The following NSUN6 variants were observed in gnomAD, a reference collection of about 807,000 sequenced individuals.
The protein encoded by NSUN6 is NOP2/Sun RNA methyltransferase 6.
A neutral mutation model predicts 58.0 loss-of-function variants in NSUN6; 64 were observed. The observed-to-expected ratio is 1.10, with a 90% confidence interval of 0.90 to 1.36. NSUN6 has a LOEUF of 1.36. Among genes scored for constraint, NSUN6 ranks in the 40% most tolerant of loss-of-function variants. The pLI is 0.00. For missense variants in NSUN6, 701 were observed against 550.1 expected (o/e 1.27, Z -2.74); for synonymous variants, 231 against 193.9 (o/e 1.19, Z -1.59).
At chr10:18,630,949 A>T (rs1413768464) in intron 3 of NSUN6, among the ~76,000 whole-genome samples, 1 of 151,892 alleles carries the variant, frequency 6.6e-6, no homozygotes, top group East Asian at 1.9e-4. Flanking sequence ...AGACACAACC[A>T]AAAAAGAGAA....
At chr10:18,563,996 A>T (rs1056563691) in intron 8 of NSUN6, among the ~76,000 whole-genome samples, 1 of 147,588 alleles carries the variant, frequency 6.8e-6, no homozygotes, top group Admixed American at 6.8e-5. Flanking sequence ...TCCATTCTCC[A>T]TTCCACTGCA....
intron 8 of NSUN6, among the ~76,000 whole-genome samples, chr10:18,564,009 C>T (rs1339605291): frequency 3.3e-5 from 5 of 151,470 alleles, no homozygotes; most frequent in Non-Finnish European, 7.4e-5. Context: ...CCACTGCATT[C>T]CATTCTATTC....
At position 18,602,428 on chromosome 10, in the gene NSUN6, G is replaced by T. The variant is rs189560834; in HGVS notation, c.658-6101C>A. Among the ~76,000 whole-genome samples the T allele has an allele frequency of 2.5e-3, 381 of 152,162 alleles. 3 individuals carry two copies. Among genetic ancestry groups the T allele is most frequent in the African/African-American group, 8.8e-3 (366 of 41,530 alleles). Reference sequence around the variant, plus strand: ...CCGGCTAATTTTTTGTAGAGATGGGGTTTCACCGTGTTAGCCAGGATGGTC... The same window carrying T: ...CCGGCTAATTTTTTGTAGAGATGGGTTTTCACCGTGTTAGCCAGGATGGTC... On this transcript the variant is annotated intron_variant, in intron 6 of 10. Coordinates refer to ENST00000377304, the MANE Select transcript of NSUN6 (RefSeq NM_182543.5).
chr10:18,627,214 C>T (rs2058842158), intron 3 of NSUN6, among the ~76,000 whole-genome samples: 1 of 152,142 alleles, frequency 6.6e-6, no homozygotes, highest in Non-Finnish European at 1.5e-5. Flanking sequence ...TTTTAAATCT[C>T]ATTTCAAGTA....
upstream of NSUN6, among the ~76,000 whole-genome samples, chr10:18,657,806 G>C (rs992662271): frequency 1.3e-5 from 2 of 151,860 alleles, no homozygotes; most frequent in Non-Finnish European, 1.5e-5. Flanking sequence ...TAGAGACAGG[G>C]TTTCACCATG....
At chr10:18,626,565 C>T (rs563943162) in intron 3 of NSUN6, among the ~76,000 whole-genome samples, 5 of 152,186 alleles carry the variant, frequency 3.3e-5, no homozygotes, top group East Asian at 1.9e-4. Context: ...ATCAGGAATT[C>T]GAGACCAACC....
chr10:18,588,957 A>G (rs1471245743), intron 7 of NSUN6, among the ~76,000 whole-genome samples: 2 of 152,226 alleles, frequency 1.3e-5, no homozygotes, highest in African/African-American at 4.8e-5. Flanking sequence ...AAGGTGGGTA[A>G]TAACAAACTC....
intron 3 of NSUN6, among the ~76,000 whole-genome samples, chr10:18,632,559 GAA>G (rs547866637): frequency 1.3e-5 from 2 of 151,226 alleles, no homozygotes; most frequent in Admixed American, 1.3e-4. Context: ...ACATTTACAA[GAA>G]AAAAACAAAC....
chr10:18,652,069 T>C (rs2059719726), upstream of NSUN6: 3 of 985,418 alleles, frequency 3.0e-6, no homozygotes, highest in South Asian at 4.7e-5. Context: ...GGGTTCATAT[T>C]TTTGAAAGTT....
rs147085343 is a variant in NSUN6, at chr10:18,607,725, G to A, written c.657+2120C>T. 2.7e-3 allele frequency among the ~76,000 whole-genome samples: 406 copies of A among 152,362 alleles called. 1 individual carries two copies. Among genetic ancestry groups the A allele is most frequent in the African/African-American group, 8.6e-3 (359 of 41,586 alleles). Reference sequence around the variant, plus strand: ...AGATCTTCCAAGGGTTACATCTGGAGCATTGGCATGGGGCCAAGAATACAG... The same window carrying A: ...AGATCTTCCAAGGGTTACATCTGGAACATTGGCATGGGGCCAAGAATACAG... On this transcript the variant is annotated intron_variant, in intron 6 of 10. Coordinates refer to ENST00000377304, the MANE Select transcript of NSUN6 (RefSeq NM_182543.5).
At chr10:18,560,358 A>G (rs2055399843) in intron 8 of NSUN6, among the ~76,000 whole-genome samples, 2 of 150,948 alleles carry the variant, frequency 1.3e-5, no homozygotes, top group African/African-American at 4.9e-5. Flanking sequence ...ATGTAATGTA[A>G]TGCAGGATGG....
At chr10:18,642,725 TG>T (rs1332846443) in intron 2 of NSUN6, among the ~76,000 whole-genome samples, 170 bp from the exon 3 acceptor site, 1 of 152,138 alleles carries the variant, frequency 6.6e-6, no homozygotes, top group East Asian at 1.9e-4. Flanking sequence ...AAAACAACAA[TG>T]TTTTCTCTAT....
At chr10:18,633,257 G>A (rs1193999811) in intron 3 of NSUN6, among the ~76,000 whole-genome samples, 3 of 149,302 alleles carry the variant, frequency 2.0e-5, no homozygotes, top group East Asian at 2.0e-4. Flanking sequence ...GGTCTGTTGT[G>A]GGGTGGTGGG....
chr10:18,657,620 AT>A (rs1352519587), upstream of NSUN6, among the ~76,000 whole-genome samples: 1 of 151,628 alleles, frequency 6.6e-6, no homozygotes, highest in Admixed American at 6.6e-5. Flanking sequence ...TTTTATTTTT[AT>A]TTTTATTTTT....
At chr10:18,581,104 G>C (rs370299189) in intron 8 of NSUN6, among the ~76,000 whole-genome samples, 71 of 152,156 alleles carry the variant, frequency 4.7e-4, no homozygotes, top group African/African-American at 1.6e-3. Context: ...CCTTGGGGTG[G>C]GCTGCCAGCA....
In NSUN6 at chr10:18,558,395, T is replaced by A. The variant is rs150701995; in HGVS notation, c.923-6424A>T. Among the ~76,000 whole-genome samples, 54 of 138,448 alleles carry A rather than the reference T, an allele frequency of 3.9e-4. 1 individual carries two copies. The East Asian group carries it at 5.8e-3, about 15-fold the overall frequency. The allele number at this position is 138,448 out of a possible 152,430, so 90.8% of individuals were successfully genotyped here. A position where few individuals can be genotyped will look rare whatever the true frequency, so the allele number is the denominator to read the frequency against. On this transcript the variant is annotated intron_variant, in intron 8 of 10. Transcript: ENST00000377304. ...TGGAGAATGGAATGGAATGCAGTGG[T>A]GAATAGAATGAAATGGAGAATGGAA... is the stretch of plus-strand genomic sequence containing the variant.
intron 3 of NSUN6, among the ~76,000 whole-genome samples, chr10:18,628,954 A>G (rs1455435461): frequency 2.0e-5 from 3 of 152,194 alleles, no homozygotes; most frequent in Non-Finnish European, 4.4e-5. Flanking sequence ...CATAATTGTC[A>G]GATTCACCAA....
intron 5 of NSUN6, among the ~76,000 whole-genome samples, chr10:18,613,525 T>A (rs911184816): frequency 3.3e-5 from 5 of 152,194 alleles, no homozygotes; most frequent in Non-Finnish European, 7.3e-5. Flanking sequence ...ATGAAAAGTA[T>A]ACCATTAACA....
intron 7 of NSUN6, among the ~76,000 whole-genome samples, chr10:18,587,705 C>A (rs937526308): frequency 1.8e-4 from 27 of 152,216 alleles, no homozygotes; most frequent in Middle Eastern, 3.4e-3. Context: ...CCTCCCTCCC[C>A]CAGCCAAGAG....
Sources: gnomAD v4.1 joint callset for allele counts (sites outside exome capture counted in the v4.1 genomes callset) on GRCh38, gnomAD v4.1.1 for gene constraint, MANE v1.5 for transcripts, NCBI Gene and HGNC (gene_info 2026-07-23, HGNC 2026-07-21) for gene names.